NEDD9: variants seen among roughly 807,000 people sequenced by gnomAD.
NEDD9 encodes the protein enhancer of filamentation 1.
A neutral mutation model predicts 76.6 loss-of-function variants in NEDD9; 26 were observed. The ratio of observed to expected loss-of-function variants is 0.34; its 90% CI spans 0.25 to 0.47. The LOEUF is 0.47. NEDD9 is among the 20% of genes least tolerant of loss of function. The probability of loss-of-function intolerance (pLI) is 1.00; values close to 1 mark genes in which losing one functional copy is unlikely to be tolerated. For synonymous variants in NEDD9, 392 were observed against 414.2 expected, an observed-to-expected ratio of 0.95 and a Z score of 0.65; for missense variants, 937 against 1,058.5, an observed-to-expected ratio of 0.89 and a Z score of 1.59.
At chr6:11,232,892 C>G (rs973223424), upstream of NEDD9, among the ~76,000 whole-genome samples, 1 of 152,100 alleles carries the variant, frequency 6.6e-6, no homozygotes, top group South Asian at 2.1e-4. Flanking sequence ...CTCCCGCCCC[C>G]GCCAAAAAAG....
chr6:11,212,184 A>T (rs1242556136), intron 2 of NEDD9, among the ~76,000 whole-genome samples: 1 of 152,198 alleles, frequency 6.6e-6, no homozygotes, highest in Non-Finnish European at 1.5e-5. Context: ...CTGGTATGTA[A>T]TTGCATCTTT....
intron 1 of NEDD9, among the ~76,000 whole-genome samples, chr6:11,347,127 G>A (rs914319797): frequency 6.3e-4 from 96 of 152,204 alleles, no homozygotes; most frequent in Non-Finnish European, 8.8e-5. Context: ...AAGAGGTGCA[G>A]GGTGGAGAGG....
chr6:11,246,147 T>C (rs552487037), intron 3 of NEDD9, among the ~76,000 whole-genome samples: 102 of 152,134 alleles, frequency 6.7e-4, no homozygotes, highest in Non-Finnish European at 1.2e-3. Flanking sequence ...TAGCAAAGGA[T>C]AAAAGAATGT....
intron 3 of NEDD9, among the ~76,000 whole-genome samples, chr6:11,274,329 C>T (rs1760374740): frequency 6.6e-6 from 1 of 152,124 alleles, no homozygotes; most frequent in East Asian, 1.9e-4. Flanking sequence ...AGATTCTTCC[C>T]TGGACCTGGA....
intron 3 of NEDD9, among the ~76,000 whole-genome samples, chr6:11,260,595 G>T (rs564803357): frequency 6.6e-6 from 1 of 152,168 alleles, no homozygotes; most frequent in African/African-American, 2.4e-5. Context: ...CATCCCACCC[G>T]TTGTCACTCC....
intron 1 of NEDD9, among the ~76,000 whole-genome samples, chr6:11,353,671 C>T (rs141442455): frequency 6.6e-6 from 1 of 152,354 alleles, no homozygotes; most frequent in East Asian, 1.9e-4. Flanking sequence ...AGTTAGAGTC[C>T]ATAGGACTGG....
chr6:11,228,965 T>A (rs143102961), intron 1 of NEDD9, among the ~76,000 whole-genome samples: 18 of 152,282 alleles, frequency 1.2e-4, no homozygotes, highest in African/African-American at 4.1e-4. Context: ...AACCAAAATA[T>A]CAAAGCAAGG....
rs113096574 is a variant in NEDD9 at position 11,344,435 on chromosome 6, G to T, written c.-213-9874C>A. On this transcript the variant is annotated intron_variant, in intron 1 of 3. Transcript: ENST00000397378. ...CATCCCATGGCAACACATTCCTGTC[G>T]TAAGCATCACACTCTTCCAAAGAAA... Among the ~76,000 whole-genome samples the T allele has an allele frequency of 5.9e-5, 9 of 152,302 alleles. 1 individual carries two copies. The highest frequency in any genetic ancestry group is 2.2e-4 in the African/African-American group (9 of 41,568).
At chr6:11,188,066 T>G in intron 6 of NEDD9, 152 bp downstream of exon 6, 1 of 665,218 alleles carries the variant, frequency 1.5e-6, no homozygotes, top group Non-Finnish European at 2.6e-6. Flanking sequence ...AAACCTTCTC[T>G]TTGCTTTTAA....
At chr6:11,319,131 C>T (rs1041902652) in intron 2 of NEDD9, among the ~76,000 whole-genome samples, 1 of 152,210 alleles carries the variant, frequency 6.6e-6, no homozygotes, top group Non-Finnish European at 1.5e-5. Flanking sequence ...AATATCTGCT[C>T]GGCTTGAAAA....
chr6:11,312,374 G>A (rs1761397069), intron 2 of NEDD9, among the ~76,000 whole-genome samples: 1 of 151,726 alleles, frequency 6.6e-6, no homozygotes, highest in African/African-American at 2.4e-5. Context: ...TCTTCCCCAT[G>A]GCTTTCAAGA....
chr6:11,310,630 A>G (rs1761337206), intron 2 of NEDD9, among the ~76,000 whole-genome samples: 1 of 152,212 alleles, frequency 6.6e-6, no homozygotes. Flanking sequence ...TTAAAATGAG[A>G]GTAGATTATC....
At chr6:11,209,261 A>G (rs1349774525) in intron 2 of NEDD9, among the ~76,000 whole-genome samples, 1 of 152,218 alleles carries the variant, frequency 6.6e-6, no homozygotes, top group Admixed American at 6.5e-5. Flanking sequence ...AAACATTCTT[A>G]TAGGCACTGG....
At chr6:11,313,272 T>C (rs1761431147) in intron 2 of NEDD9, among the ~76,000 whole-genome samples, 1 of 151,710 alleles carries the variant, frequency 6.6e-6, no homozygotes, top group Non-Finnish European at 1.5e-5. Flanking sequence ...GATGGATGGA[T>C]GAATAGAAAA....
intron 1 of NEDD9, among the ~76,000 whole-genome samples, chr6:11,367,895 T>C (rs928283257): frequency 6.6e-6 from 1 of 152,210 alleles, no homozygotes; most frequent in Non-Finnish European, 1.5e-5. Flanking sequence ...GGCAGAGCTA[T>C]GGAATTTTGG....
intron 3 of NEDD9, among the ~76,000 whole-genome samples, chr6:11,259,953 C>CACACACACACACACACACAG (rs763918042): frequency 2.0e-5 from 3 of 151,960 alleles, no homozygotes; most frequent in East Asian, 1.9e-4. Context: ...CACACACACA[C>CACACACACACACACACACAG]ACACACAGAC....
intron 3 of NEDD9, among the ~76,000 whole-genome samples, chr6:11,255,565 C>A (rs1254956827): frequency 6.6e-6 from 1 of 151,930 alleles, no homozygotes; most frequent in Non-Finnish European, 1.5e-5. Context: ...TGTGTGAAGG[C>A]CCCGTGGCAG....
chr6:11,333,068 G>A (rs2327398), intron 2 of NEDD9, among the ~76,000 whole-genome samples: 1 of 15,954 alleles, frequency 6.3e-5, no homozygotes, highest in Non-Finnish European at 1.0e-4. Context: ...GGAAGGGAGG[G>A]AGGGAGGGAG....
At chr6:11,367,348 A>G (rs967501815) in intron 1 of NEDD9, among the ~76,000 whole-genome samples, 1 of 152,228 alleles carries the variant, frequency 6.6e-6, no homozygotes, top group African/African-American at 2.4e-5. Context: ...TCCTACATCA[A>G]GGAAATGTTT....
Sources: gnomAD v4.1 joint callset for allele counts (sites outside exome capture counted in the v4.1 genomes callset) on GRCh38, gnomAD v4.1.1 for gene constraint, MANE v1.5 for transcripts, NCBI Gene and HGNC (gene_info 2026-07-23, HGNC 2026-07-21) for gene names.